The following COBL variants were observed in gnomAD, a reference collection of about 807,000 sequenced individuals.
The protein encoded by COBL is protein cordon-bleu.
A neutral mutation model predicts 98.8 loss-of-function variants in COBL; 51 were observed. That is an observed-to-expected ratio of 0.52 (90% CI 0.41 to 0.65). COBL has a LOEUF of 0.65. COBL is among the 30% of genes least tolerant of loss of function. COBL has a pLI of 0.00. For missense variants in COBL, 1,617 were observed against 1,617.5 expected (o/e 1.00, Z 0.01); for synonymous variants, 634 against 651.7 (o/e 0.97, Z 0.41).
chr7:51,127,223 A>T (rs1242542607), intron 6 of COBL, among the ~76,000 whole-genome samples: 3 of 152,208 alleles, frequency 2.0e-5, no homozygotes, highest in Non-Finnish European at 4.4e-5. Flanking sequence ...CTACAAAGAC[A>T]CAGAACTGGA....
At chr7:51,159,918 G>T (rs1786615331) in intron 5 of COBL, among the ~76,000 whole-genome samples, 1 of 152,194 alleles carries the variant, frequency 6.6e-6, no homozygotes, top group Non-Finnish European at 1.5e-5. Flanking sequence ...TTTTGAGACA[G>T]TTTCACTATT....
rs1407844961 is a variant in COBL at position 51,028,174 on chromosome 7, G to A, written c.2922C>T (p.Ser974=). ...QDRPAAIHRS[S]CFSLVQSSQR... The stretch of plus-strand genomic sequence containing the variant: ...GGGAAGACTGAACCAGTGAGAAACA[G>A]GAGCTTCTGTGGATAGCAGCAGGTC... The change falls in exon 10 of 13, where the codon TCC becomes TCT. Residue 974 remains serine (S), a synonymous_variant. Transcript: ENST00000265136. 2 of 1,614,250 alleles carry A rather than the reference G, an allele frequency of 1.2e-6. No homozygotes were observed. The highest frequency in any genetic ancestry group is 1.7e-6 in the Non-Finnish European group (2 of 1,180,038).
intron 6 of COBL, among the ~76,000 whole-genome samples, chr7:51,113,803 G>A (rs12719031): frequency 0.27 from 41,600 of 152,052 alleles, 7,163 homozygotes; most frequent in Non-Finnish European, 0.39. Context: ...GAATTTGATG[G>A]AATTAAGTGT....
chr7:51,070,209 G>T (rs1281237309), intron 7 of COBL, among the ~76,000 whole-genome samples: 1 of 152,090 alleles, frequency 6.6e-6, no homozygotes, highest in Non-Finnish European at 1.5e-5. Context: ...ATAAAGCAAA[G>T]AAACCAAAAA....
chr7:51,139,782 G>C (rs1397862342), intron 5 of COBL, among the ~76,000 whole-genome samples: 3 of 152,156 alleles, frequency 2.0e-5, no homozygotes, highest in Non-Finnish European at 4.4e-5. Flanking sequence ...GTGAAGTATT[G>C]AGTCCTTTAA....
At chr7:51,291,669 G>A (rs1247850314) in intron 1 of COBL, among the ~76,000 whole-genome samples, 1 of 152,090 alleles carries the variant, frequency 6.6e-6, no homozygotes, top group South Asian at 2.1e-4. Flanking sequence ...GCTGAGGAAG[G>A]GGAATCACTT....
rs115462524 is a variant in COBL at position 51,136,410 on chromosome 7, A to C, written c.784-79T>G. 2,040 of 1,431,646 alleles carry C rather than the reference A, an allele frequency of 1.4e-3. 29 individuals carry two copies. The African/African-American group carries it at 0.027, about 19-fold the overall frequency. The allele number at this position is 1,431,646 out of a possible 1,614,324, so 88.7% of individuals were successfully genotyped here. On this transcript the variant is annotated intron_variant, in intron 5 of 12. Coordinates refer to ENST00000265136, the MANE Select transcript of COBL (RefSeq NM_015198.5). ...CGTATGAATGCTCACATGAAGACAA[A>C]GTTCCAATCCGTCCACCTGAGCTTG...
intron 1 of COBL, among the ~76,000 whole-genome samples, chr7:51,298,550 G>A (rs1245309126): frequency 6.6e-6 from 1 of 152,216 alleles, no homozygotes; most frequent in Non-Finnish European, 1.5e-5. Context: ...AAGCAGATGT[G>A]AGCAAGGCAG....
chr7:51,309,908 T>C (rs1372475986), intron 1 of COBL, among the ~76,000 whole-genome samples: 4 of 152,176 alleles, frequency 2.6e-5, no homozygotes, highest in Non-Finnish European at 5.9e-5. Context: ...GTGAGAGGGA[T>C]ACTCTCAGAA....
intron 5 of COBL, among the ~76,000 whole-genome samples, chr7:51,160,604 C>T (rs1786700968): frequency 6.6e-6 from 1 of 152,198 alleles, no homozygotes; most frequent in Non-Finnish European, 1.5e-5. Flanking sequence ...TCATTTAATC[C>T]TCATAAGAAT....
chr7:51,137,223 A>G (rs1799321516), intron 5 of COBL, among the ~76,000 whole-genome samples: 1 of 152,170 alleles, frequency 6.6e-6, no homozygotes, highest in South Asian at 2.1e-4. Flanking sequence ...GGTTAAGCCC[A>G]CAGACCTTGG....
chr7:51,124,977 A>C (rs577324668), intron 6 of COBL, among the ~76,000 whole-genome samples: 27 of 152,042 alleles, frequency 1.8e-4, no homozygotes, highest in Non-Finnish European at 3.5e-4. Context: ...ACATCCAGCT[A>C]ATTTCTTCGT....
intron 5 of COBL, chr7:51,156,574 A>G (rs563268016): frequency 1.0e-6 from 1 of 985,272 alleles, no homozygotes; most frequent in Admixed American, 6.2e-5. Context: ...AGCCAAGCAA[A>G]TAAAAGAATT....
At chr7:51,243,483 G>T (rs1179960440) in intron 1 of COBL, among the ~76,000 whole-genome samples, 1 of 152,270 alleles carries the variant, frequency 6.6e-6, no homozygotes, top group African/African-American at 2.4e-5. Context: ...ATGAGCTAAG[G>T]TATAATCTTG....
chr7:51,193,800 G>A (rs1363289629), intron 2 of COBL, among the ~76,000 whole-genome samples: 2 of 152,112 alleles, frequency 1.3e-5, no homozygotes, highest in Non-Finnish European at 2.9e-5. Context: ...ACTATTGAAA[G>A]AGAAAAATCA....
chr7:51,264,920 T>C (rs1158045043), intron 1 of COBL, among the ~76,000 whole-genome samples: 1 of 152,062 alleles, frequency 6.6e-6, no homozygotes, highest in Non-Finnish European at 1.5e-5. Context: ...CTGTATGCCA[T>C]TTTAAACTGT....
At chr7:51,235,197 CT>C (rs1795136137) in intron 1 of COBL, among the ~76,000 whole-genome samples, 1 of 152,224 alleles carries the variant, frequency 6.6e-6, no homozygotes, top group African/African-American at 2.4e-5. Flanking sequence ...AACACACCAT[CT>C]TCGTATGCAC....
intron 6 of COBL, among the ~76,000 whole-genome samples, chr7:51,098,023 C>CAAAAAAAAAAAAAAAAAAA (rs3047141): frequency 1.1e-5 from 1 of 94,364 alleles, no homozygotes. Flanking sequence ...GACTCCATCT[C>CAAAAAAAAAAAAAAAAAAA]AAAAAAAAAA....
At chr7:51,264,348 T>C (rs1199840241) in intron 1 of COBL, among the ~76,000 whole-genome samples, 1 of 152,150 alleles carries the variant, frequency 6.6e-6, no homozygotes, top group African/African-American at 2.4e-5. Flanking sequence ...TTGGATGTTT[T>C]ACATAATTGC....
Sources: allele counts gnomAD v4.1 joint callset (sites outside exome capture counted in the v4.1 genomes callset), GRCh38; gene constraint gnomAD v4.1.1; transcripts MANE v1.5; gene names NCBI Gene and HGNC (gene_info 2026-07-23, HGNC 2026-07-21).